Variants in CADM1 observed in about 807,000 individuals in gnomAD.
The protein encoded by CADM1 is cell adhesion molecule 1.
A neutral mutation model predicts 53.1 loss-of-function variants in CADM1; 15 were observed. The observed-to-expected ratio is 0.28, with a 90% CI of 0.19 to 0.44. CADM1 has a LOEUF of 0.44. Ranked by LOEUF, CADM1 falls within the 20% of genes least tolerant of loss-of-function variation. The pLI is 1.00. For synonymous variants in CADM1, 281 were observed against 243.0 expected (o/e 1.16, Z -1.45); for missense variants, 434 against 611.3 (o/e 0.71, Z 3.06).
At chr11:115,309,159 T>C (rs1235501006) in intron 1 of CADM1, among the ~76,000 whole-genome samples, 3 of 152,124 alleles carry the variant, frequency 2.0e-5, no homozygotes, top group East Asian at 3.9e-4. Flanking sequence ...TTCCAAGATA[T>C]GAGAACATTT....
At chr11:115,350,204 C>T (rs1945690872) in intron 1 of CADM1, among the ~76,000 whole-genome samples, 2 of 152,202 alleles carry the variant, frequency 1.3e-5, no homozygotes, top group Admixed American at 6.5e-5. Context: ...CTCCCAACTT[C>T]AGGTGATGCA....
chr11:115,362,959 C>T (rs1946067517), intron 1 of CADM1, among the ~76,000 whole-genome samples: 1 of 152,088 alleles, frequency 6.6e-6, no homozygotes. Context: ...TGCTAGGTGA[C>T]AGAAATATAG....
chr11:115,337,862 A>G (rs770745257), intron 1 of CADM1, among the ~76,000 whole-genome samples: 6 of 152,214 alleles, frequency 3.9e-5, no homozygotes, highest in African/African-American at 1.4e-4. Context: ...TGATACGTCT[A>G]GTAATAAATC....
intron 1 of CADM1, among the ~76,000 whole-genome samples, chr11:115,476,768 A>C (rs917432514): frequency 2.6e-5 from 4 of 152,332 alleles, no homozygotes; most frequent in Admixed American, 6.5e-5. Context: ...AACCGTATAT[A>C]TCTCATAATG....
intron 1 of CADM1, among the ~76,000 whole-genome samples, chr11:115,447,910 G>C (rs952009404): frequency 6.6e-6 from 1 of 152,102 alleles, no homozygotes; most frequent in Non-Finnish European, 1.5e-5. Flanking sequence ...TTCTTTCTTA[G>C]GTGCTCTTTC....
intron 1 of CADM1, among the ~76,000 whole-genome samples, chr11:115,384,289 A>G (rs1477313737): frequency 8.5e-5 from 13 of 152,162 alleles, no homozygotes; most frequent in Non-Finnish European, 1.9e-4. Flanking sequence ...TGCACACTAT[A>G]GCCGACTCAT....
intron 3 of CADM1, among the ~76,000 whole-genome samples, chr11:115,234,460 T>A (rs1941939026): frequency 6.6e-6 from 1 of 152,196 alleles, no homozygotes; most frequent in Admixed American, 6.5e-5. Context: ...TCCAAACAAC[T>A]GCAACAGATA....
intron 1 of CADM1, among the ~76,000 whole-genome samples, chr11:115,261,008 G>A (rs1400168643): frequency 2.0e-5 from 3 of 151,990 alleles, no homozygotes; most frequent in Admixed American, 1.3e-4. Flanking sequence ...CCTTTGGTAG[G>A]TACCTTTTTG....
intron 1 of CADM1, 133 bp from the exon 2 acceptor site, chr11:115,240,553 C>A: frequency 2.2e-6 from 2 of 900,746 alleles, no homozygotes; most frequent in Non-Finnish European, 3.5e-6. Flanking sequence ...GGCTCTAATA[C>A]CTTTCTTTGT....
intron 5 of CADM1, among the ~76,000 whole-genome samples, chr11:115,222,678 G>A (rs909650457): frequency 2.6e-5 from 4 of 152,104 alleles, no homozygotes; most frequent in African/African-American, 7.2e-5. Flanking sequence ...TGGGACTGAC[G>A]TAAGACCAAT....
chr11:115,209,739 A>C, intron 7 of CADM1, 82 bp from the exon 8 acceptor site: 1 of 1,530,632 alleles, frequency 6.5e-7, no homozygotes, highest in Admixed American at 1.8e-5. Flanking sequence ...AGGCATGAGG[A>C]CATTGAGATG....
Position 115,229,156 on chromosome 11 carries a change from C to T in CADM1, c.678G>A (p.Ala226=), listed in dbSNP as rs138595924. Residue 226 remains alanine, a synonymous_variant, in exon 5 of 12, where the codon GCG becomes GCA. Transcript: ENST00000331581. ...VPVICQVEHP[A]VTGNLQTQRY... ...GCTGGGTCTGCAGGTTTCCAGTGAC[C>T]GCAGGGTGCTCCACCTGGCAGATCA... 2,271 of 1,614,014 alleles carry T rather than the reference C, an allele frequency of 1.4e-3. 35 individuals are homozygous for T. The African/African-American group carries it at 0.027, about 19-fold the overall frequency.
At chr11:115,345,873 AT>A (rs775121619) in intron 1 of CADM1, among the ~76,000 whole-genome samples, 17 of 152,100 alleles carry the variant, frequency 1.1e-4, no homozygotes, top group Admixed American at 3.9e-4. Context: ...TTTCAACTTG[AT>A]TTTTTTTAAC....
At chr11:115,500,309 C>A (rs1248878528) in intron 1 of CADM1, among the ~76,000 whole-genome samples, 5 of 152,194 alleles carry the variant, frequency 3.3e-5, no homozygotes, top group Non-Finnish European at 7.3e-5. Context: ...CAGACACACA[C>A]ACACACACAA....
At chr11:115,347,682 A>G (rs1356546091) in intron 1 of CADM1, among the ~76,000 whole-genome samples, 2 of 152,180 alleles carry the variant, frequency 1.3e-5, no homozygotes, top group East Asian at 3.9e-4. Context: ...GTGCAATGGA[A>G]TATTTTTTCA....
intron 1 of CADM1, among the ~76,000 whole-genome samples, chr11:115,254,064 G>T (rs556183258): frequency 1.3e-5 from 2 of 152,226 alleles, no homozygotes; most frequent in African/African-American, 4.8e-5. Flanking sequence ...TATTTGTACA[G>T]CTTGAGTCTT....
chr11:115,187,301 A>T (rs1484365968), intron 10 of CADM1, among the ~76,000 whole-genome samples: 1 of 152,174 alleles, frequency 6.6e-6, no homozygotes, highest in African/African-American at 2.4e-5. Flanking sequence ...TCTCACACAC[A>T]TTTCAAGTAA....
intron 9 of CADM1, among the ~76,000 whole-genome samples, chr11:115,193,363 A>T (rs980053195): frequency 6.6e-6 from 1 of 152,240 alleles, no homozygotes; most frequent in African/African-American, 2.4e-5. Context: ...CTTTTTGTCC[A>T]TATGGGATTA....
At chr11:115,426,140 G>C (rs991340056) in intron 1 of CADM1, among the ~76,000 whole-genome samples, 2 of 152,124 alleles carry the variant, frequency 1.3e-5, no homozygotes, top group Admixed American at 1.3e-4. Flanking sequence ...CTTAGCAGCA[G>C]CACCAGGCAT....
Sources: allele counts gnomAD v4.1 joint callset (sites outside exome capture counted in the v4.1 genomes callset), GRCh38; gene constraint gnomAD v4.1.1; transcripts MANE v1.5; gene names NCBI Gene and HGNC (gene_info 2026-07-23, HGNC 2026-07-21).